ARHGAP10: variants seen among roughly 807,000 people sequenced by gnomAD.
ARHGAP10 encodes the protein Rho GTPase activating protein 10, also known as rho GTPase-activating protein 10.
Under a neutral mutation model 108.6 loss-of-function variants are expected in ARHGAP10, and 87 were observed. The ratio of observed to expected loss-of-function variants is 0.80; its 90% CI spans 0.67 to 0.96. The LOEUF is 0.96. Among genes scored for constraint, ARHGAP10 ranks in the 40% least tolerant of loss-of-function variants. The pLI is 0.00. For synonymous variants in ARHGAP10, 347 were observed against 341.1 expected (o/e 1.02, Z -0.19); for missense variants, 939 against 954.5 (o/e 0.98, Z 0.21).
Position 148,024,639 on chromosome 4 carries a change from C to T in ARHGAP10, c.1867+1226C>T, listed in dbSNP as rs114447064. ...GTTTTACAATTGGATAGTTAATTTC[C>T]AGAGGAAGGGCATGAATCATTACAA... is the stretch of plus-strand genomic sequence containing the variant. On this transcript the variant is annotated intron_variant, in intron 19 of 22. Coordinates refer to ENST00000336498, the MANE Select transcript of ARHGAP10 (RefSeq NM_024605.4). Among the ~76,000 whole-genome samples, 317 of 152,300 alleles carry T rather than the reference C, an allele frequency of 2.1e-3. 1 individual carries two copies. Among genetic ancestry groups the T allele is most frequent in the African/African-American group, 4.4e-3 (181 of 41,578 alleles).
intron 13 of ARHGAP10, among the ~76,000 whole-genome samples, chr4:147,922,791 A>G (rs1391796823): frequency 6.6e-6 from 1 of 152,006 alleles, no homozygotes; most frequent in Non-Finnish European, 1.5e-5. Flanking sequence ...TTAAATGCCT[A>G]TCTTCATTTC....
At chr4:147,877,819 C>CTTTTTTTTTTTTTTTTTTTTTTTTTTTTT (rs549355620) in intron 8 of ARHGAP10, among the ~76,000 whole-genome samples, 1 of 131,500 alleles carries the variant, frequency 7.6e-6, no homozygotes, top group African/African-American at 3.1e-5. Context: ...ATTCTTCATA[C>CTTTTTTTTTTTTTTTTTTTTTTTTTTTTT]TTTTTTTTTT....
chr4:147,905,272 A>G (rs1456009918), intron 10 of ARHGAP10, among the ~76,000 whole-genome samples: 1 of 149,724 alleles, frequency 6.7e-6, no homozygotes. Flanking sequence ...TTTTGTTGCC[A>G]TTGCTTTTGG....
At chr4:147,779,625 T>C (rs540253564) in intron 1 of ARHGAP10, among the ~76,000 whole-genome samples, 1 of 152,106 alleles carries the variant, frequency 6.6e-6, no homozygotes, top group Non-Finnish European at 1.5e-5. Flanking sequence ...TCCTTCAGTT[T>C]GGGAGTCTGG....
intron 1 of ARHGAP10, among the ~76,000 whole-genome samples, chr4:147,752,813 T>A (rs981870380): frequency 6.6e-6 from 1 of 152,222 alleles, no homozygotes; most frequent in Non-Finnish European, 1.5e-5. Context: ...AGGCGTGAGC[T>A]GCCGCACCTG....
At chr4:148,066,488 T>TA (rs1729882499) in intron 22 of ARHGAP10, among the ~76,000 whole-genome samples, 1 of 152,218 alleles carries the variant, frequency 6.6e-6, no homozygotes, top group Non-Finnish European at 1.5e-5. Context: ...CCAGGAGACT[T>TA]ACGTTCTCCA....
In ARHGAP10 at chr4:147,955,308, T is replaced by C. The variant is rs1738747373; in HGVS notation, c.1392-8T>C. The C allele has an allele frequency of 6.2e-7, 1 of 1,607,964 alleles. No homozygotes were observed. Among genetic ancestry groups the C allele is most frequent in the Admixed American group, 1.7e-5 (1 of 59,414 alleles). ...ATTTGATAATTCTGAGCTGTTCTTT[T>C]CACACAGGAGTCTTCCAGAGCCTCT... On this transcript the variant is annotated splice_region_variant and splice_polypyrimidine_tract_variant and intron_variant, in intron 15 of 22. Coordinates refer to ENST00000336498, the MANE Select transcript of ARHGAP10 (RefSeq NM_024605.4).
At chr4:147,845,763 T>C (rs150392098) in intron 3 of ARHGAP10, among the ~76,000 whole-genome samples, 23 of 152,340 alleles carry the variant, frequency 1.5e-4, no homozygotes, top group Non-Finnish European at 2.5e-4. Flanking sequence ...CTCATGTAAG[T>C]GTGCCTTAAG....
intron 19 of ARHGAP10, among the ~76,000 whole-genome samples, chr4:148,030,039 A>G (rs935639646): frequency 2.7e-5 from 4 of 150,516 alleles, no homozygotes; most frequent in African/African-American, 9.8e-5. Flanking sequence ...GTGAAAGGCA[A>G]CTTCTTCTAT....
chr4:147,750,618 G>A (rs935705196), intron 1 of ARHGAP10, among the ~76,000 whole-genome samples: 7 of 150,802 alleles, frequency 4.6e-5, no homozygotes, highest in Non-Finnish European at 7.4e-5. Flanking sequence ...TTTTTTTGGG[G>A]GGGGTTGTAA....
intron 1 of ARHGAP10, among the ~76,000 whole-genome samples, chr4:147,784,584 A>C (rs1205152276): frequency 1.7e-4 from 19 of 113,880 alleles, no homozygotes; most frequent in Admixed American, 6.9e-4. Flanking sequence ...TAAAATATAT[A>C]TTATAAATAT....
chr4:147,860,344 A>G (rs893906369), intron 5 of ARHGAP10, among the ~76,000 whole-genome samples: 23 of 152,226 alleles, frequency 1.5e-4, no homozygotes, highest in African/African-American at 5.1e-4. Context: ...CAGGAGGCTG[A>G]GGCAGGAGAA....
At chr4:148,017,069 C>T (rs1285804632) in intron 18 of ARHGAP10, among the ~76,000 whole-genome samples, 3 of 150,800 alleles carry the variant, frequency 2.0e-5, no homozygotes, top group East Asian at 3.9e-4. Flanking sequence ...GCAGGAGAAT[C>T]GCCTTTTATG....
chr4:147,735,428 A>G (rs1367685807), intron 1 of ARHGAP10, among the ~76,000 whole-genome samples: 1 of 152,206 alleles, frequency 6.6e-6, no homozygotes, highest in Non-Finnish European at 1.5e-5. Context: ...GGTGATAAGG[A>G]GTAGAACCTT....
At chr4:147,981,993 C>T (rs1167192352) in intron 18 of ARHGAP10, among the ~76,000 whole-genome samples, 2 of 152,118 alleles carry the variant, frequency 1.3e-5, no homozygotes, top group East Asian at 1.9e-4. Flanking sequence ...AGCAGAAGGA[C>T]GGATCTTGGT....
At chr4:148,012,283 G>C (rs188805844) in intron 18 of ARHGAP10, among the ~76,000 whole-genome samples, 20 of 152,302 alleles carry the variant, frequency 1.3e-4, no homozygotes, top group Admixed American at 1.3e-3. Context: ...TTGAGACATG[G>C]CTGCTATGTC....
intron 10 of ARHGAP10, among the ~76,000 whole-genome samples, chr4:147,886,419 G>T (rs561823277): frequency 6.6e-6 from 1 of 152,090 alleles, no homozygotes; most frequent in African/African-American, 2.4e-5. Context: ...GCAGTCCTCC[G>T]CAATCCTGAT....
intron 10 of ARHGAP10, among the ~76,000 whole-genome samples, chr4:147,895,541 CA>C (rs1735961314): frequency 6.7e-6 from 1 of 148,170 alleles, no homozygotes; most frequent in Non-Finnish European, 1.5e-5. Flanking sequence ...AAAAATTAGC[CA>C]GGTATGGTGG....
intron 10 of ARHGAP10, among the ~76,000 whole-genome samples, chr4:147,893,767 G>C (rs1735882282): frequency 6.6e-6 from 1 of 152,026 alleles, no homozygotes; most frequent in African/African-American, 2.4e-5. Flanking sequence ...CAAGATACCA[G>C]TGTAGAAAGA....
Sources: gnomAD v4.1 joint callset for allele counts (sites outside exome capture counted in the v4.1 genomes callset) on GRCh38, gnomAD v4.1.1 for gene constraint, MANE v1.5 for transcripts, NCBI Gene and HGNC (gene_info 2026-07-23, HGNC 2026-07-21) for gene names.